The following GPC5 variants were observed in gnomAD, a reference collection of about 807,000 sequenced individuals.
GPC5 encodes the protein glypican 5.
Under a neutral mutation model 53.9 loss-of-function variants are expected in GPC5, and 47 were observed. The ratio of observed to expected loss-of-function variants is 0.87; its 90% CI spans 0.69 to 1.11. The LOEUF (loss-of-function observed/expected upper bound fraction) is 1.11. GPC5 is among the 50% of genes most tolerant of loss of function. GPC5 has a pLI of 0.00. For synonymous variants in GPC5, 286 were observed against 263.3 expected (o/e 1.09, Z -0.84); for missense variants, 748 against 713.1 (o/e 1.05, Z -0.56).
At chr13:91,868,636 T>C (rs367908071) in intron 5 of GPC5, among the ~76,000 whole-genome samples, 1 of 152,002 alleles carries the variant, frequency 6.6e-6, no homozygotes, top group South Asian at 2.1e-4. Context: ...GCCTGGGAGA[T>C]TGAAGCTGCA....
chr13:92,760,557 G>GT (rs1484229909), intron 7 of GPC5, among the ~76,000 whole-genome samples: 16 of 149,526 alleles, frequency 1.1e-4, no homozygotes, highest in South Asian at 2.1e-4. Flanking sequence ...TTTAAGACTT[G>GT]TTTTTTTTAT....
At chr13:92,099,119 T>C (rs557271078) in intron 6 of GPC5, among the ~76,000 whole-genome samples, 7 of 152,276 alleles carry the variant, frequency 4.6e-5, no homozygotes, top group African/African-American at 1.7e-4. Flanking sequence ...AGACAAGTTT[T>C]TTTCCCCTCC....
At chr13:91,960,300 G>T (rs1227190625) in intron 6 of GPC5, among the ~76,000 whole-genome samples, 1 of 151,582 alleles carries the variant, frequency 6.6e-6, no homozygotes, top group African/African-American at 2.4e-5. Flanking sequence ...CTAACTGAAA[G>T]AAATCAAGAA....
At chr13:91,557,349 T>C (rs2031016877) in intron 2 of GPC5, among the ~76,000 whole-genome samples, 1 of 152,150 alleles carries the variant, frequency 6.6e-6, no homozygotes, top group African/African-American at 2.4e-5. Flanking sequence ...GCCTTTTAAA[T>C]ATAAACAATT....
At chr13:91,465,017 A>G (rs779568002) in intron 2 of GPC5, among the ~76,000 whole-genome samples, 1 of 152,186 alleles carries the variant, frequency 6.6e-6, no homozygotes, top group Non-Finnish European at 1.5e-5. Flanking sequence ...CAAAACAAAA[A>G]GAAATATAAG....
intron 2 of GPC5, among the ~76,000 whole-genome samples, chr13:91,524,320 A>G (rs1885983574): frequency 6.6e-6 from 1 of 152,004 alleles, no homozygotes; most frequent in South Asian, 2.1e-4. Flanking sequence ...ATATTATAAC[A>G]TGGGGTGTTT....
At chr13:91,722,028 T>A (rs1466270089) in intron 3 of GPC5, among the ~76,000 whole-genome samples, 1 of 152,208 alleles carries the variant, frequency 6.6e-6, no homozygotes, top group Non-Finnish European at 1.5e-5. Context: ...GTCCTACCAA[T>A]AATGAGGGCT....
intron 7 of GPC5, among the ~76,000 whole-genome samples, chr13:92,541,028 T>G (rs1042667777): frequency 1.3e-5 from 2 of 151,840 alleles, no homozygotes; most frequent in Admixed American, 1.3e-4. Context: ...CAGGTGAAGA[T>G]TCAAGTAAAT....
intron 6 of GPC5, among the ~76,000 whole-genome samples, chr13:92,064,693 G>T (rs960401706): frequency 3.4e-5 from 5 of 146,998 alleles, no homozygotes; most frequent in African/African-American, 1.2e-4. Context: ...GGAGGCAGAG[G>T]TTGCAGTGAG....
chr13:92,033,650 G>T (rs749212306), intron 6 of GPC5, among the ~76,000 whole-genome samples: 4 of 152,182 alleles, frequency 2.6e-5, no homozygotes, highest in Non-Finnish European at 5.9e-5. Context: ...AGATTTTTCA[G>T]TGTCAATATT....
At chr13:92,376,445 C>G (rs1006586348) in intron 7 of GPC5, among the ~76,000 whole-genome samples, 1 of 152,282 alleles carries the variant, frequency 6.6e-6, no homozygotes, top group Middle Eastern at 3.4e-3. Context: ...GAGAGAATCA[C>G]TTTGTTTCCA....
intron 7 of GPC5, among the ~76,000 whole-genome samples, chr13:92,514,718 C>T (rs1395022335): frequency 1.3e-5 from 2 of 152,046 alleles, no homozygotes; most frequent in Admixed American, 6.6e-5. Flanking sequence ...TTGTGAGGGG[C>T]GGAATTTCTA....
At chr13:91,781,936 C>G (rs1304876645) in intron 5 of GPC5, among the ~76,000 whole-genome samples, 1 of 152,004 alleles carries the variant, frequency 6.6e-6, no homozygotes, top group Non-Finnish European at 1.5e-5. Flanking sequence ...CTGAGCTAGT[C>G]CTGAAGAATA....
intron 7 of GPC5, among the ~76,000 whole-genome samples, chr13:92,812,210 C>T (rs774867646): frequency 6.6e-6 from 1 of 151,920 alleles, no homozygotes; most frequent in Non-Finnish European, 1.5e-5. Flanking sequence ...GTGTTCCTGT[C>T]AGGAGCACAA....
At chr13:91,787,133 T>C (rs959540680) in intron 5 of GPC5, among the ~76,000 whole-genome samples, 3 of 152,194 alleles carry the variant, frequency 2.0e-5, no homozygotes, top group African/African-American at 7.2e-5. Context: ...GACAATCATA[T>C]TGTCTGTAAA....
At chr13:91,703,587 G>A (rs1267380438) in intron 3 of GPC5, among the ~76,000 whole-genome samples, 2 of 152,134 alleles carry the variant, frequency 1.3e-5, no homozygotes, top group Non-Finnish European at 2.9e-5. Context: ...GTGTTCATAA[G>A]GGATAATGAT....
At position 92,535,393 on chromosome 13, in the gene GPC5, C is replaced by T. The variant is rs994094641; in HGVS notation, c.1562-330889C>T. Reference sequence around the variant, plus strand: ...CCAGGGAAGAGGCTTTCATCAGGCGCCGCAACCCAGGAGACTGGAGCTCAG... The same window carrying T: ...CCAGGGAAGAGGCTTTCATCAGGCGTCGCAACCCAGGAGACTGGAGCTCAG... On this transcript the variant is annotated intron_variant, in intron 7 of 7. Transcript: ENST00000377067. 2.6e-5 allele frequency among the ~76,000 whole-genome samples: 4 copies of T among 152,072 alleles called. No individual in the cohort carries two copies. In the South Asian group the frequency reaches 8.3e-4, roughly 32 times the overall value.
intron 7 of GPC5, among the ~76,000 whole-genome samples, chr13:92,436,437 A>G (rs898767545): frequency 2.0e-5 from 3 of 152,062 alleles, no homozygotes; most frequent in African/African-American, 4.8e-5. Context: ...CATCCATGAA[A>G]CTGTGGTAAG....
At chr13:92,183,561 A>G (rs1214008119) in intron 7 of GPC5, among the ~76,000 whole-genome samples, 1 of 152,182 alleles carries the variant, frequency 6.6e-6, no homozygotes, top group Non-Finnish European at 1.5e-5. Flanking sequence ...AAATATAGTT[A>G]GCAATTTTGA....
Sources: gnomAD v4.1 joint callset for allele counts (sites outside exome capture counted in the v4.1 genomes callset) on GRCh38, gnomAD v4.1.1 for gene constraint, MANE v1.5 for transcripts, NCBI Gene and HGNC (gene_info 2026-07-23, HGNC 2026-07-21) for gene names.